CRACDL: variants seen among roughly 807,000 people sequenced by gnomAD.
CRACDL encodes CRACD like.
CRACDL carries 26 observed loss-of-function variants against 70.6 expected under a neutral mutation model. That is an observed-to-expected ratio of 0.37 (90% CI 0.27 to 0.51). CRACDL has a LOEUF of 0.51. Ranked by LOEUF, CRACDL falls within the 20% of genes least tolerant of loss-of-function variation. The pLI is 0.94. For synonymous variants in CRACDL, 618 were observed against 615.2 expected, an observed-to-expected ratio of 1.00 and a Z score of -0.07; for missense variants, 1,283 against 1,376.9, an observed-to-expected ratio of 0.93 and a Z score of 1.08.
At chr2:98,795,969 A>G (rs1703799951) in intron 9 of CRACDL, 151 bp downstream of exon 9, 2 of 737,722 alleles carry the variant, frequency 2.7e-6, no homozygotes, top group African/African-American at 3.5e-5. Context: ...GATGAGTTTT[A>G]TGACACGTAA....
At chr2:98,833,135 C>T in intron 3 of CRACDL, 138 bp from the exon 4 acceptor site, 1 of 785,906 alleles carries the variant, frequency 1.3e-6, no homozygotes, top group Non-Finnish European at 2.0e-6. Flanking sequence ...TTTCAGTGGT[C>T]CCTGACTTCA....
chr2:98,827,568 G>A (rs1705361352), intron 5 of CRACDL, among the ~76,000 whole-genome samples: 1 of 152,214 alleles, frequency 6.6e-6, no homozygotes, highest in Admixed American at 6.5e-5. Context: ...GGGATTACAG[G>A]TGTGAGCCAC....
intron 1 of CRACDL, chr2:98,869,063 T>C (rs1038192291): frequency 2.3e-6 from 3 of 1,300,546 alleles, no homozygotes; most frequent in African/African-American, 1.5e-5. Flanking sequence ...ACCTCTTTGC[T>C]CTCAGAGGGC....
chr2:98,930,610 G>C (rs1304952396), intron 1 of CRACDL, among the ~76,000 whole-genome samples: 3 of 149,942 alleles, frequency 2.0e-5, no homozygotes, highest in Non-Finnish European at 3.0e-5. Flanking sequence ...CCCCTGTCCT[G>C]TGTCACCTAC....
At chr2:98,848,247 C>T (rs1322158385) in intron 1 of CRACDL, among the ~76,000 whole-genome samples, 2 of 152,210 alleles carry the variant, frequency 1.3e-5, no homozygotes, top group Non-Finnish European at 2.9e-5. Context: ...GATAGTAGTT[C>T]TAGGCTGATG....
intron 2 of CRACDL, among the ~76,000 whole-genome samples, chr2:98,843,702 A>ACT (rs1022172300): frequency 6.6e-6 from 1 of 151,684 alleles, no homozygotes; most frequent in Admixed American, 6.6e-5. Flanking sequence ...TTTGAACTCT[A>ACT]CTCCCTTCTG....
intron 5 of CRACDL, among the ~76,000 whole-genome samples, chr2:98,830,312 G>C (rs961232394): frequency 6.6e-6 from 1 of 152,086 alleles, no homozygotes; most frequent in African/African-American, 2.4e-5. Context: ...CAAATACTTG[G>C]TACTAAAGAC....
At chr2:98,933,020 G>A (rs761996236) in intron 1 of CRACDL, among the ~76,000 whole-genome samples, 18 of 152,174 alleles carry the variant, frequency 1.2e-4, no homozygotes, top group Non-Finnish European at 2.4e-4. Flanking sequence ...AGGGAAGGCC[G>A]AGCTCAGAAC....
rs768234946 is a variant in CRACDL at position 98,822,942 on chromosome 2, G to T, written c.1331C>A (p.Pro444His). 3 of 1,460,774 alleles carry T rather than the reference G, an allele frequency of 2.1e-6. No individual in the cohort carries two copies. The highest frequency in any genetic ancestry group is 2.7e-6 in the Non-Finnish European group (3 of 1,112,010). The allele number at this position is 1,460,774 out of a possible 1,614,324, so 90.5% of individuals were successfully genotyped here. ...SVPKEAEPTP[P>H]VLPDEEKGPP... is the part of the protein sequence containing the mutation. ...CCCCTTCTCCTCATCCGGGAGCACGGGCGGCGTCGGCTCCGCTTCCTTCGG... is the reference window on the plus strand; with the variant it reads ...CCCCTTCTCCTCATCCGGGAGCACGTGCGGCGTCGGCTCCGCTTCCTTCGG... Residue 444 changes from proline to histidine, a missense_variant, in exon 7 of 10, where the codon CCC becomes CAC. By Grantham distance (77) the Pro-to-His change is moderately conservative. Around this residue, in one of 2 missense-constraint regions of CRACDL, gnomAD observed 921 missense variants for 881.9 expected, o/e 1.04. Coordinates refer to ENST00000397899, the MANE Select transcript of CRACDL (RefSeq NM_207362.3). This position sits in a 1 kb window ranked among gnomAD's most constrained non-coding sequence, Gnocchi z 4.9.
At position 98,794,637 on chromosome 2, in the gene CRACDL, A is replaced by T. The variant is rs1703722120; in HGVS notation, c.2784T>A (p.His928Gln). The change falls in exon 10 of 10, where the codon CAT becomes CAA. Residue 928 changes from histidine to glutamine, a missense_variant. By Grantham distance (24) the His-to-Gln change is conservative. This residue lies in a region of CRACDL where 921 missense variants were observed against 881.9 expected (regional missense o/e 1.04). Transcript: ENST00000397899. Reference protein sequence around the residue: ...QSAVMMEKELHQLKRASYAST... With the variant: ...QSAVMMEKELQQLKRASYAST... Reference sequence around the variant, plus strand: ...TGGCATAACTGGCTCTCTTCAGCTGATGCAGTTCCTTCTCCATCATCACTG... The same window carrying T: ...TGGCATAACTGGCTCTCTTCAGCTGTTGCAGTTCCTTCTCCATCATCACTG... The T allele has an allele frequency of 1.9e-6, 3 of 1,613,876 alleles. No homozygotes were observed. Among genetic ancestry groups the T allele is most frequent in the Non-Finnish European group, 2.5e-6 (3 of 1,179,780 alleles).
chr2:98,821,429 T>C (rs1705021830), intron 7 of CRACDL, among the ~76,000 whole-genome samples: 1 of 152,186 alleles, frequency 6.6e-6, no homozygotes, highest in Non-Finnish European at 1.5e-5. Context: ...CAGCAGGCCT[T>C]GGCCTCCCAA....
At chr2:98,815,813 T>C (rs754667276) in intron 7 of CRACDL, among the ~76,000 whole-genome samples, 28 of 152,244 alleles carry the variant, frequency 1.8e-4, no homozygotes, top group Non-Finnish European at 3.8e-4. Context: ...TGACCAAAGA[T>C]TAGGACTGAA....
chr2:98,805,946 C>T (rs570565011), intron 7 of CRACDL, among the ~76,000 whole-genome samples: 1 of 152,370 alleles, frequency 6.6e-6, no homozygotes, highest in East Asian at 1.9e-4. Context: ...GCCACTGCTG[C>T]TTTAACAGCC....
At chr2:98,931,104 C>T (rs1460864950) in intron 1 of CRACDL, among the ~76,000 whole-genome samples, 2 of 152,134 alleles carry the variant, frequency 1.3e-5, no homozygotes, top group Non-Finnish European at 2.9e-5. Flanking sequence ...GTGGGTGGAT[C>T]ACTTGAGGTC....
At position 98,900,763 on chromosome 2, in the gene CRACDL, A is replaced by G. The variant is rs533258621; in HGVS notation, c.-11+35175T>C. 3.9e-5 allele frequency among the ~76,000 whole-genome samples: 6 copies of G among 152,184 alleles called. No individual in the cohort carries two copies. In the South Asian group the frequency reaches 1.2e-3, roughly 32 times the overall value. On this transcript the variant is annotated intron_variant, in intron 1 of 9. Coordinates refer to ENST00000397899, the MANE Select transcript of CRACDL (RefSeq NM_207362.3). ...CACTCAGCACCCTCCTTCCATCCTG[A>G]CTTGGCACCCTGAAAATGACGCAAG...
intron 1 of CRACDL, among the ~76,000 whole-genome samples, chr2:98,875,319 A>G (rs941202808): frequency 6.6e-6 from 1 of 152,250 alleles, no homozygotes; most frequent in African/African-American, 2.4e-5. Flanking sequence ...GAAAGGCACA[A>G]CCAGATGCCT....
intron 7 of CRACDL, among the ~76,000 whole-genome samples, chr2:98,800,441 A>G (rs1704026020): frequency 6.6e-6 from 1 of 152,110 alleles, no homozygotes; most frequent in Non-Finnish European, 1.5e-5. Context: ...GTTTTAAACC[A>G]TGGGCTCACT....
At chr2:98,881,227 C>T (rs1039427717) in intron 1 of CRACDL, among the ~76,000 whole-genome samples, 1 of 152,224 alleles carries the variant, frequency 6.6e-6, no homozygotes, top group African/African-American at 2.4e-5. Context: ...GTTCAGAAGC[C>T]TCACGGAGGG....
Position 98,838,286 on chromosome 2 carries a change from T to G in CRACDL, c.72A>C (p.Gly24=). The part of the protein sequence containing the change: ...AAEGLGEDST[G]KKKSKFKTFK... ...AAGTTTTGAATTTAGATTTTTTCTT[T>G]CCTATACAGATTAGAGAAAAAAATA... The change falls in exon 3 of 10, where the codon GGA becomes GGC. Residue 24 remains glycine (G), a splice_region_variant and synonymous_variant. Coordinates refer to ENST00000397899, the MANE Select transcript of CRACDL (RefSeq NM_207362.3). The G allele has an allele frequency of 1.3e-6, 2 of 1,555,384 alleles. No individual in the cohort carries two copies. Among genetic ancestry groups the G allele is most frequent in the Admixed American group, 3.5e-5 (2 of 56,510 alleles).
Sources: allele counts gnomAD v4.1 joint callset (sites outside exome capture counted in the v4.1 genomes callset), GRCh38; gene constraint gnomAD v4.1.1; regional missense constraint gnomAD v4.1.1; non-coding constraint Gnocchi (gnomAD v3.1); transcripts MANE v1.5; gene names NCBI Gene and HGNC (gene_info 2026-07-23, HGNC 2026-07-21).